PADI2: variants seen among roughly 807,000 people sequenced by gnomAD.
PADI2 encodes the protein protein-arginine deiminase type-2.
PADI2 carries 70 observed loss-of-function variants against 81.1 expected under a neutral mutation model. That is an observed-to-expected ratio of 0.86 (90% CI 0.71 to 1.05). The LOEUF is 1.05. PADI2 is among the 50% of genes least tolerant of loss of function. PADI2 has a pLI of 0.00. For synonymous variants in PADI2, 338 were observed against 358.0 expected, an observed-to-expected ratio of 0.94 and a Z score of 0.63; for missense variants, 853 against 889.9, an observed-to-expected ratio of 0.96 and a Z score of 0.53.
At chr1:17,077,438 C>T (rs2078311871) in intron 11 of PADI2, among the ~76,000 whole-genome samples, 2 of 152,146 alleles carry the variant, frequency 1.3e-5, no homozygotes, top group South Asian at 4.1e-4. Context: ...TAAGGGCCGC[C>T]CCTGAGCTCC....
chr1:17,081,536 A>T (rs764837962), intron 10 of PADI2, among the ~76,000 whole-genome samples: 1 of 152,220 alleles, frequency 6.6e-6, no homozygotes, highest in Non-Finnish European at 1.5e-5. Context: ...AACAGGTGTG[A>T]ACCTGGCACA....
chr1:17,091,287 C>G (rs538542480), intron 6 of PADI2, among the ~76,000 whole-genome samples: 32 of 149,222 alleles, frequency 2.1e-4, no homozygotes, highest in African/African-American at 7.9e-4. Context: ...CCTGGCCCCC[C>G]TAGGCAGCTG....
At position 17,092,485 on chromosome 1, in the gene PADI2, C is replaced by T. The variant is rs754728962; in HGVS notation, c.578G>A (p.Arg193His). The T allele has an allele frequency of 3.0e-5, 48 of 1,602,084 alleles. No individual in the cohort carries two copies. The highest frequency in any genetic ancestry group is 4.1e-5 in the African/African-American group (3 of 72,680). The change falls in exon 6 of 16, where the codon CGC (arginine) becomes CAC (histidine). Residue 193 changes from arginine (R) to histidine (H), a missense_variant. Coordinates refer to ENST00000375486, the MANE Select transcript of PADI2 (RefSeq NM_007365.3). Reference protein sequence around the residue: ...QMILRTKGPDRLPAGYEIVLY... With the variant: ...QMILRTKGPDHLPAGYEIVLY... The stretch of plus-strand genomic sequence containing the variant: ...AACTATCTCGTATCCGGCGGGGAGG[C>T]GGTCGGGGCCTTTGGTCCGCAGGAT...
chr1:17,086,631 TG>T lies in PADI2; in HGVS notation c.723del (p.Tyr241Ter). ...GRRKLYHVVK[Y>X]TGGSAELLFF... is the part of the protein sequence containing the mutation. ...AACAGCAGCTCCGCGGAGCCACCCG[TG>T]TACTTGACCACATGGTAGAGCTTCC... On this transcript the variant is annotated frameshift_variant, in exon 7 of 16. Coordinates refer to ENST00000375486, the MANE Select transcript of PADI2 (RefSeq NM_007365.3). LOFTEE classifies it high-confidence loss of function. 1.2e-6 allele frequency: 2 copies of T among 1,614,024 alleles called. No homozygotes were observed. The highest frequency in any genetic ancestry group is 1.1e-5 in the South Asian group (1 of 91,070).
At chr1:17,092,791 T>TA (rs557395690) in intron 5 of PADI2, among the ~76,000 whole-genome samples, 17 of 149,358 alleles carry the variant, frequency 1.1e-4, no homozygotes, top group Admixed American at 5.3e-4. Context: ...TTTACAAAAA[T>TA]AAAAAAAATT....
rs191708751 is a variant in PADI2, at chr1:17,078,114, T to G, written c.1310+1150A>C. Among the ~76,000 whole-genome samples, 245 of 152,298 alleles carry G rather than the reference T, an allele frequency of 1.6e-3. 1 individual carries two copies. The highest frequency in any genetic ancestry group is 3.4e-3 in the Middle Eastern group (1 of 294). ...TGATTTATTTAATATTTTATTTTAT[T>G]TTATTTTGTTTTTTGAGACGCAGTT... is the stretch of plus-strand genomic sequence containing the variant. On this transcript the variant is annotated intron_variant, in intron 11 of 15. Coordinates refer to ENST00000375486, the MANE Select transcript of PADI2 (RefSeq NM_007365.3).
At chr1:17,105,625 C>T (rs920967517) in intron 1 of PADI2, among the ~76,000 whole-genome samples, 1 of 152,066 alleles carries the variant, frequency 6.6e-6, no homozygotes, top group Non-Finnish European at 1.5e-5. Context: ...AACTCCCGAC[C>T]TCAGGTGATC....
At chr1:17,104,238 C>T (rs1316784413) in intron 2 of PADI2, among the ~76,000 whole-genome samples, 4 of 145,128 alleles carry the variant, frequency 2.8e-5, no homozygotes, top group African/African-American at 7.6e-5. Context: ...TGCAGTGAGC[C>T]GAGATCGCAT....
intron 4 of PADI2, among the ~76,000 whole-genome samples, chr1:17,095,514 C>T (rs1247451903): frequency 6.6e-6 from 1 of 152,130 alleles, no homozygotes; most frequent in Non-Finnish European, 1.5e-5. Context: ...AGAGATAATA[C>T]CACGCCTGGA....
intron 3 of PADI2, among the ~76,000 whole-genome samples, chr1:17,099,568 A>G (rs139140695): frequency 1.3e-5 from 2 of 152,308 alleles, no homozygotes; most frequent in Non-Finnish European, 2.9e-5. Flanking sequence ...TCACACAGCA[A>G]GTCCTTGGCG....
At chr1:17,108,211 A>C (rs1368997813) in intron 1 of PADI2, among the ~76,000 whole-genome samples, 1 of 152,028 alleles carries the variant, frequency 6.6e-6, no homozygotes, top group Non-Finnish European at 1.5e-5. Context: ...GGCCTCCCAA[A>C]GTGTTGGGAT....
At chr1:17,104,511 T>C (rs1218715862) in intron 2 of PADI2, among the ~76,000 whole-genome samples, 2 of 123,952 alleles carry the variant, frequency 1.6e-5, no homozygotes, top group African/African-American at 6.0e-5. Flanking sequence ...CTCGGCTCAC[T>C]GCAAGCTCCG....
chr1:17,117,905 C>T (rs946007445), intron 1 of PADI2, among the ~76,000 whole-genome samples: 8 of 152,338 alleles, frequency 5.3e-5, no homozygotes, highest in African/African-American at 1.9e-4. Context: ...CCACCCTCCA[C>T]TGCTGTGTTC....
rs571175272 is a variant in PADI2, at chr1:17,113,973, T to C, written c.92+5307A>G. Among the ~76,000 whole-genome samples the C allele has an allele frequency of 2.6e-5, 4 of 152,346 alleles. No homozygotes were observed. The South Asian group carries it at 8.3e-4, about 32-fold the overall frequency. On this transcript the variant is annotated intron_variant, in intron 1 of 15. Transcript: ENST00000375486. Reference sequence around the variant, plus strand: ...CCCAACTATGCAGGGACTGTGAGCCTGGTTCTCCTTAGAACACTCCCAACC... The same window carrying C: ...CCCAACTATGCAGGGACTGTGAGCCCGGTTCTCCTTAGAACACTCCCAACC...
Position 17,090,616 on chromosome 1 carries a change from TGTC to T in PADI2, c.655+1789_655+1791del, listed in dbSNP as rs1557765362. On this transcript the variant is annotated intron_variant, in intron 6 of 15. Transcript: ENST00000375486. ...GTGTGTGTGTGTGTGTGTGTGTGTG[TGTC>T]TAAGAGTTTTCACCCAGTGACCCAG... is the stretch of plus-strand genomic sequence containing the variant. 5.4e-4 allele frequency among the ~76,000 whole-genome samples: 80 copies of T among 147,660 alleles called. No individual in the cohort carries two copies. In the East Asian group the frequency reaches 0.016, roughly 30 times the overall value.
rs142057029 is a variant in PADI2, at chr1:17,086,563, G to C, written c.792C>G (p.Gly264=). The change falls in exon 7 of 16, where the codon GGC becomes GGG. Residue 264 remains glycine (G), a synonymous_variant. Coordinates refer to ENST00000375486, the MANE Select transcript of PADI2 (RefSeq NM_007365.3). ...GLCFPDEGFS[G]LVSIHVSLLE... ...GCAGGCTGACATGGATGGAGACCAG[G>C]CCTGAGAAGCCCTCGTCGGGGAAAC... is the stretch of plus-strand genomic sequence containing the variant. The C allele has an allele frequency of 1.4e-4, 234 of 1,613,846 alleles. No homozygotes were observed. Among genetic ancestry groups the C allele is most frequent in the Non-Finnish European group, 1.8e-4 (208 of 1,179,926 alleles).
At chr1:17,073,009 C>T (rs1337327249) in intron 13 of PADI2, among the ~76,000 whole-genome samples, 1 of 152,180 alleles carries the variant, frequency 6.6e-6, no homozygotes, top group Non-Finnish European at 1.5e-5. Flanking sequence ...CAGTCAGGAA[C>T]ACTGTCTTTG....
chr1:17,103,118 C>T (rs1051574996), intron 2 of PADI2, 59 bp from the exon 3 acceptor site: 42 of 1,315,444 alleles, frequency 3.2e-5, no homozygotes, highest in Admixed American at 1.1e-4. Context: ...TCACAGATCA[C>T]AAGCAGGAAA....
Position 17,119,221 on chromosome 1 carries a change from G to T in PADI2, c.92+59C>A. ...GCTGTCCACGTCCCCGAGTCTGAGCGCGTCTCAGGATTTCTGGGCTCGAGA... is the reference window on the plus strand; with the variant it reads ...GCTGTCCACGTCCCCGAGTCTGAGCTCGTCTCAGGATTTCTGGGCTCGAGA... On this transcript the variant is annotated intron_variant, in intron 1 of 15. Coordinates refer to ENST00000375486, the MANE Select transcript of PADI2 (RefSeq NM_007365.3). This position sits in a 1 kb window ranked among gnomAD's most constrained non-coding sequence, Gnocchi z 4.8. 8.3e-7 allele frequency: 1 copy of T among 1,203,922 alleles called. No homozygotes were observed. The highest frequency in any genetic ancestry group is 1.2e-6 in the Non-Finnish European group (1 of 857,090). 74.6% of individuals were successfully genotyped at this position (1,203,922 alleles called of 1,614,324 possible).
Sources: gnomAD v4.1 joint callset for allele counts (sites outside exome capture counted in the v4.1 genomes callset) on GRCh38, gnomAD v4.1.1 for gene constraint, Gnocchi (gnomAD v3.1) non-coding constraint, MANE v1.5 for transcripts, NCBI Gene and HGNC (gene_info 2026-07-23, HGNC 2026-07-21) for gene names.